Variants in IMMP2L observed in about 807,000 individuals in gnomAD.
The protein encoded by IMMP2L is inner mitochondrial membrane peptidase subunit 2.
In IMMP2L, 18 loss-of-function variants were observed where a neutral mutation model predicts 19.3. The observed-to-expected ratio is 0.93, with a 90% CI of 0.64 to 1.38. IMMP2L has a LOEUF of 1.38. Among genes scored for constraint, IMMP2L ranks in the 40% most tolerant of loss-of-function variants. IMMP2L has a pLI of 0.00. For synonymous variants in IMMP2L, 76 were observed against 73.0 expected (o/e 1.04, Z -0.21); for missense variants, 233 against 218.2 (o/e 1.07, Z -0.43).
At chr7:111,211,514 C>T (rs574559189) in intron 3 of IMMP2L, among the ~76,000 whole-genome samples, 1 of 152,162 alleles carries the variant, frequency 6.6e-6, no homozygotes, top group African/African-American at 2.4e-5. Flanking sequence ...TCTATTTAAT[C>T]TGTAAGAAAC....
intron 3 of IMMP2L, among the ~76,000 whole-genome samples, chr7:111,350,799 T>C (rs557625272): frequency 6.6e-6 from 1 of 152,170 alleles, no homozygotes; most frequent in Admixed American, 6.6e-5. Flanking sequence ...TCTCATCTTT[T>C]GTATCTATTT....
intron 4 of IMMP2L, among the ~76,000 whole-genome samples, chr7:110,957,458 G>C (rs1364043198): frequency 6.6e-6 from 1 of 151,936 alleles, no homozygotes; most frequent in Non-Finnish European, 1.5e-5. Flanking sequence ...CCAGTGATTT[G>C]AGTCAGATTA....
At chr7:110,743,493 G>A (rs1666701486) in intron 5 of IMMP2L, among the ~76,000 whole-genome samples, 1 of 152,126 alleles carries the variant, frequency 6.6e-6, no homozygotes, top group Non-Finnish European at 1.5e-5. Context: ...TGGCCAAATA[G>A]CAACAGCTCT....
intron 3 of IMMP2L, among the ~76,000 whole-genome samples, chr7:111,325,103 T>C (rs1825170648): frequency 6.6e-6 from 1 of 151,778 alleles, no homozygotes; most frequent in South Asian, 2.1e-4. Context: ...GAATGTTATT[T>C]TACTAGCATA....
At chr7:110,858,673 T>A (rs1185764283) in intron 5 of IMMP2L, among the ~76,000 whole-genome samples, 1 of 152,044 alleles carries the variant, frequency 6.6e-6, no homozygotes, top group African/African-American at 2.4e-5. Flanking sequence ...TACATATGTA[T>A]ACATGTGCCA....
At chr7:111,016,889 A>ATG (rs1460605178) in intron 3 of IMMP2L, among the ~76,000 whole-genome samples, 2 of 89,398 alleles carry the variant, frequency 2.2e-5, no homozygotes, top group Non-Finnish European at 3.9e-5. Context: ...TATATTATAT[A>ATG]TAATATATAT....
chr7:111,484,395 T>C (rs946923089), intron 3 of IMMP2L, among the ~76,000 whole-genome samples: 1 of 152,166 alleles, frequency 6.6e-6, no homozygotes, highest in Admixed American at 6.5e-5. Flanking sequence ...GAATACATTG[T>C]CTCAAGATTT....
chr7:110,898,212 TGAAATTAGCA>T (rs1811512726), intron 4 of IMMP2L, among the ~76,000 whole-genome samples: 1 of 151,638 alleles, frequency 6.6e-6, no homozygotes, highest in Non-Finnish European at 1.5e-5. Flanking sequence ...GTCATAGCAG[TGAAATTAGCA>T]GAAATTAAAA....
intron 4 of IMMP2L, among the ~76,000 whole-genome samples, chr7:110,960,075 G>A (rs1429485534): frequency 6.6e-6 from 1 of 151,822 alleles, no homozygotes; most frequent in Non-Finnish European, 1.5e-5. Flanking sequence ...TGTTATCTTT[G>A]GATTTATAAT....
At chr7:111,211,818 C>G (rs1311546792) in intron 3 of IMMP2L, among the ~76,000 whole-genome samples, 1 of 151,914 alleles carries the variant, frequency 6.6e-6, no homozygotes, top group African/African-American at 2.4e-5. Context: ...ACGGTGAAAC[C>G]CCGTCTCTAC....
chr7:110,769,938 C>T (rs528281191), intron 5 of IMMP2L, among the ~76,000 whole-genome samples: 25 of 152,190 alleles, frequency 1.6e-4, no homozygotes, highest in East Asian at 9.7e-4. Flanking sequence ...AAAAAACCAA[C>T]GGGTTGACTA....
At chr7:111,097,119 C>T (rs1291591681) in intron 3 of IMMP2L, 1 of 151,828 alleles carries the variant, frequency 6.6e-6, no homozygotes, top group African/African-American at 2.4e-5. Context: ...AAAAGGCCCA[C>T]TGAATCAGTT....
intron 5 of IMMP2L, among the ~76,000 whole-genome samples, chr7:110,733,027 A>G (rs1796375193): frequency 1.3e-5 from 2 of 152,236 alleles, no homozygotes; most frequent in South Asian, 4.1e-4. Flanking sequence ...GCCTCAAGTG[A>G]TATTTAGCCT....
intron 5 of IMMP2L, among the ~76,000 whole-genome samples, chr7:110,826,562 TC>T (rs1429408086): frequency 6.6e-6 from 1 of 152,030 alleles, no homozygotes; most frequent in African/African-American, 2.4e-5. Context: ...CTGGAAACCA[TC>T]ATTCTCAGCA....
chr7:110,801,509 G>A (rs1254818446), intron 5 of IMMP2L, among the ~76,000 whole-genome samples: 1 of 152,056 alleles, frequency 6.6e-6, no homozygotes. Flanking sequence ...ACTATAAACA[G>A]TGATGCCATA....
At chr7:111,074,670 G>C (rs188039977) in intron 3 of IMMP2L, among the ~76,000 whole-genome samples, 12 of 152,276 alleles carry the variant, frequency 7.9e-5, no homozygotes, top group Admixed American at 7.2e-4. Flanking sequence ...TCCTAATGGG[G>C]CTTGATCACA....
At chr7:111,394,200 A>G (rs940587553) in intron 3 of IMMP2L, among the ~76,000 whole-genome samples, 1 of 152,188 alleles carries the variant, frequency 6.6e-6, no homozygotes, top group Non-Finnish European at 1.5e-5. Context: ...TACATAAGAC[A>G]AAGATAAAAT....
chr7:111,468,177 G>A (rs138072215), intron 3 of IMMP2L, among the ~76,000 whole-genome samples: 2 of 152,030 alleles, frequency 1.3e-5, no homozygotes, highest in Non-Finnish European at 2.9e-5. Flanking sequence ...AAAGTCAGCT[G>A]AGCTGTACAG....
chr7:111,381,098 T>C (rs1376465247), intron 3 of IMMP2L, among the ~76,000 whole-genome samples: 1 of 151,976 alleles, frequency 6.6e-6, no homozygotes, highest in Non-Finnish European at 1.5e-5. Flanking sequence ...ACGCGAACTG[T>C]TGTAGCTGAT....
Sources: allele counts gnomAD v4.1 joint callset (sites outside exome capture counted in the v4.1 genomes callset), GRCh38; gene constraint gnomAD v4.1.1; transcripts MANE v1.5; gene names NCBI Gene and HGNC (gene_info 2026-07-23, HGNC 2026-07-21).